Variants in SFTA2 observed in about 807,000 individuals in gnomAD.
The protein encoded by SFTA2 is surfactant-associated protein 2.
In SFTA2, 3 loss-of-function variants were observed where a neutral mutation model predicts 6.0. That is an observed-to-expected ratio of 0.50 (90% CI 0.23 to 1.28). The LOEUF (loss-of-function observed/expected upper bound fraction) is 1.28, where lower values mean the gene tolerates loss of function less well. Among genes scored for constraint, SFTA2 ranks in the 50% most tolerant of loss-of-function variants. The probability of loss-of-function intolerance (pLI) is 0.19; values close to 1 mark genes in which losing one functional copy is unlikely to be tolerated. For synonymous variants in SFTA2, 40 were observed against 39.3 expected, an observed-to-expected ratio of 1.02 and a Z score of -0.07; for missense variants, 87 against 88.5, an observed-to-expected ratio of 0.98 and a Z score of 0.07.
Position 30,932,160 on chromosome 6 carries a change from C to A in SFTA2, c.-64G>T. The A allele has an allele frequency of 1.3e-6, 2 of 1,514,168 alleles. No homozygotes were observed. Among genetic ancestry groups the A allele is most frequent in the Non-Finnish European group, 1.8e-6 (2 of 1,105,388 alleles). 93.8% of individuals were successfully genotyped at this position (1,514,168 alleles called of 1,614,324 possible). ...GTCCCGGTGGCCTCTCCTTAACAGG[C>A]CTGTTTCTACACCCCACTCAAGCCT... On this transcript the variant is annotated 5_prime_UTR_variant, in exon 1 of 3. Transcript: ENST00000359086. The surrounding 1 kb of genome is among the most constrained non-coding windows in gnomAD (Gnocchi z 6.5).
chr6:30,931,600 C>T (rs2253588), intron 2 of SFTA2, 26 bp from the exon 3 acceptor site: 1 of 1,606,440 alleles, frequency 6.2e-7, no homozygotes, highest in South Asian at 1.1e-5. Flanking sequence ...TAAAGGGCGC[C>T]ATGTAAGAGA....
chr6:30,931,886 G>A (rs991055482), intron 1 of SFTA2, 91 bp from the exon 2 acceptor site: 2 of 1,550,808 alleles, frequency 1.3e-6, no homozygotes. Context: ...CCCCGGCACA[G>A]TTCCTCTTCC....
In SFTA2 at chr6:30,931,558, TGGA is replaced by T. The variant is rs1766560505; in HGVS notation, c.164_166del (p.Leu55del). 4 of 1,609,734 alleles carry T rather than the reference TGGA, an allele frequency of 2.5e-6. No individual in the cohort carries two copies. The highest frequency in any genetic ancestry group is 2.7e-5 in the African/African-American group (2 of 74,816). ...GGTGACGCTGGTCCCTGAAGGGAGA[TGGA>T]GGAGGAGGCAGAGCTGGGAACAAAG... On this transcript the variant is annotated inframe_deletion, in exon 3 of 3. Coordinates refer to ENST00000359086, the MANE Select transcript of SFTA2 (RefSeq NM_205854.3).
At position 30,931,743 on chromosome 6, in the gene SFTA2, G is replaced by C; in HGVS notation, c.114C>G (p.Ser38=). 1.2e-6 allele frequency: 2 copies of C among 1,613,110 alleles called. No individual in the cohort carries two copies. The highest frequency in any genetic ancestry group is 1.7e-6 in the Non-Finnish European group (2 of 1,180,034). ...LKLKESFLTN[S]SYESSFLELL... ...ATTCCAGGAAGCTGGACTCATAGGA[G>C]GAATTTGTCAGAAAAGACTCCTTCA... Residue 38 remains serine (S), a synonymous_variant, in exon 2 of 3, where the codon TCC becomes TCG. Transcript: ENST00000359086.
chr6:30,931,386 G>A lies in SFTA2; in HGVS notation c.*102C>T, dbSNP rs2532925. On this transcript the variant is annotated 3_prime_UTR_variant, in exon 3 of 3. Transcript: ENST00000359086. ...AGCATACCGAATTTTATTTATTGCCGCTCAGGAGGGTGGGGGCCTGCTGAA... is the reference window on the plus strand; with the variant it reads ...AGCATACCGAATTTTATTTATTGCCACTCAGGAGGGTGGGGGCCTGCTGAA... 801,027 of 1,128,140 alleles carry A rather than the reference G, an allele frequency of 0.71. 289,329 individuals carry two copies. The highest frequency in any genetic ancestry group is 0.82 in the East Asian group (33,589 of 40,864). The allele number at this position is 1,128,140 out of a possible 1,614,324, so 69.9% of individuals were successfully genotyped here. A position where few individuals can be genotyped will look rare whatever the true frequency, so the allele number is the denominator to read the frequency against.
intron 2 of SFTA2, 36 bp from the exon 3 acceptor site, chr6:30,931,610 A>G: frequency 1.2e-6 from 2 of 1,607,004 alleles, no homozygotes; most frequent in Non-Finnish European, 1.7e-6. Context: ...CATGTAAGAG[A>G]GCTCTCCATT....
In SFTA2 at chr6:30,931,430, C is replaced by A. The variant is rs1400436890; in HGVS notation, c.*58G>T. On this transcript the variant is annotated 3_prime_UTR_variant, in exon 3 of 3. Transcript: ENST00000359086. ...TGCTGAAAGACAGGGTCGGGGCCTG[C>A]CTCCTGCATCCCCGGCCCAAAAGCC... is the stretch of plus-strand genomic sequence containing the variant. 5 of 1,487,284 alleles carry A rather than the reference C, an allele frequency of 3.4e-6. No homozygotes were observed. The South Asian group carries it at 6.8e-5, about 20-fold the overall frequency. The allele number at this position is 1,487,284 out of a possible 1,614,324, so 92.1% of individuals were successfully genotyped here. A position where few individuals can be genotyped will look rare whatever the true frequency, so the allele number is the denominator to read the frequency against.
chr6:30,931,868 C>T, intron 1 of SFTA2, 73 bp from the exon 2 acceptor site: 1 of 1,574,090 alleles, frequency 6.4e-7, no homozygotes, highest in Non-Finnish European at 8.7e-7. Context: ...AACCTTCCTG[C>T]TCACGCTCCC....
In SFTA2 at chr6:30,932,076, A is replaced by G; in HGVS notation, c.21T>C (p.Leu7=). MGSGLP[L]VLLLTLLGSS... ...TGCCAAGGAGGGTCAAGAGGAGGAC[A>G]AGGGGCAGCCCAGACCCCATAGTGG... Residue 7 remains leucine, a synonymous_variant, in exon 1 of 3, where the codon CTT becomes CTC. Coordinates refer to ENST00000359086, the MANE Select transcript of SFTA2 (RefSeq NM_205854.3). The surrounding 1 kb of genome is among the most constrained non-coding windows in gnomAD (Gnocchi z 6.5). 6.2e-7 allele frequency: 1 copy of G among 1,612,668 alleles called. No individual in the cohort carries two copies. The highest frequency in any genetic ancestry group is 8.5e-7 in the Non-Finnish European group (1 of 1,179,906).
chr6:30,931,648 C>T (rs548610051), intron 2 of SFTA2, 59 bp downstream of exon 2: 3 of 1,610,412 alleles, frequency 1.9e-6, no homozygotes, highest in East Asian at 2.2e-5. Context: ...CAGACCCCAG[C>T]AGAGGCCCAA....
At chr6:30,931,638 C>T in intron 2 of SFTA2, 64 bp from the exon 3 acceptor site, 1 of 1,609,262 alleles carries the variant, frequency 6.2e-7, no homozygotes, top group Non-Finnish European at 8.5e-7. Flanking sequence ...CGGAGACATC[C>T]AGACCCCAGC....
chr6:30,932,108 C>T lies in SFTA2; in HGVS notation c.-12G>A, dbSNP rs564832920. On this transcript the variant is annotated 5_prime_UTR_variant, in exon 1 of 3. Transcript: ENST00000359086. This position sits in a 1 kb window ranked among gnomAD's most constrained non-coding sequence, Gnocchi z 6.5. ...AGCCCAGACCCCATAGTGGCCACTG[C>T]GCTCCTGGGATGGAGGAGACACTGA... The T allele has an allele frequency of 2.4e-5, 38 of 1,611,374 alleles. No individual in the cohort carries two copies. The highest frequency in any genetic ancestry group is 5.5e-5 in the South Asian group (5 of 90,598).
intron 2 of SFTA2, 24 bp from the exon 3 acceptor site, chr6:30,931,598 G>T: frequency 6.2e-7 from 1 of 1,607,838 alleles, no homozygotes; most frequent in South Asian, 1.1e-5. Context: ...GTTAAAGGGC[G>T]CCATGTAAGA....
intron 2 of SFTA2, 61 bp from the exon 3 acceptor site, chr6:30,931,635 A>C: frequency 2.5e-6 from 4 of 1,609,610 alleles, no homozygotes; most frequent in Non-Finnish European, 3.4e-6. Context: ...CCACGGAGAC[A>C]TCCAGACCCC....
rs748806452 is a variant in SFTA2, at chr6:30,932,140, G to C, written c.-44C>G. On this transcript the variant is annotated 5_prime_UTR_variant, in exon 1 of 3. Transcript: ENST00000359086. The surrounding 1 kb of genome is among the most constrained non-coding windows in gnomAD (Gnocchi z 6.5). ...GGGATGGAGGAGACACTGAAGTCCC[G>C]GTGGCCTCTCCTTAACAGGCCTGTT... The C allele has an allele frequency of 1.3e-6, 2 of 1,594,544 alleles. No homozygotes were observed. The highest frequency in any genetic ancestry group is 2.3e-5 in the East Asian group (1 of 44,366).
intron 2 of SFTA2, 24 bp from the exon 3 acceptor site, chr6:30,931,598 G>A (rs372246965): frequency 4.2e-5 from 68 of 1,607,722 alleles, no homozygotes; most frequent in African/African-American, 1.5e-4. Context: ...GTTAAAGGGC[G>A]CCATGTAAGA....
Position 30,931,476 on chromosome 6 carries a change from C to A in SFTA2, c.*12G>T, listed in dbSNP as rs747529500. 1 of 1,559,158 alleles carries A rather than the reference C, an allele frequency of 6.4e-7. No homozygotes were observed. Among genetic ancestry groups the A allele is most frequent in the Non-Finnish European group, 8.7e-7 (1 of 1,150,288 alleles). ...AAGCCCGGGCCAAGAAGGACACAGG[C>A]TTCAATGGCTGTCATGTGTTGCAGA... is the stretch of plus-strand genomic sequence containing the variant. On this transcript the variant is annotated 3_prime_UTR_variant, in exon 3 of 3. Transcript: ENST00000359086.
In SFTA2 at chr6:30,931,794, C is replaced by G. The variant is rs2286656; in HGVS notation, c.63G>C (p.Gly21=). Residue 21 remains glycine, a splice_region_variant and synonymous_variant, in exon 2 of 3, where the codon GGG becomes GGC. Transcript: ENST00000359086. ...GCTTCAGTTGCAAAGTCATACCCGG[C>G]CCTGCGGATCCAGAAGTACAGCTTA... ...LTLLGSSHGT[G]PGMTLQLKLK... is the part of the protein sequence containing the mutation. 3.7e-6 allele frequency: 6 copies of G among 1,612,786 alleles called. No homozygotes were observed. The highest frequency in any genetic ancestry group is 5.1e-6 in the Non-Finnish European group (6 of 1,179,974).
chr6:30,931,509 G>A lies in SFTA2; in HGVS notation c.216C>T (p.His72=). The change falls in exon 3 of 3, where the codon CAC becomes CAT. Residue 72 remains histidine, a synonymous_variant. Transcript: ENST00000359086. The stretch of plus-strand genomic sequence containing the variant: ...GCTGTCATGTGTTGCAGACAACATG[G>A]TGTTGAGATCTTGCATGGTGGAGGG... ...SVTLHHARSQ[H]HVVCNT is the part of the protein sequence containing the mutation. 2 of 1,603,066 alleles carry A rather than the reference G, an allele frequency of 1.2e-6. No homozygotes were observed. Among genetic ancestry groups the A allele is most frequent in the Non-Finnish European group, 1.7e-6 (2 of 1,174,794 alleles).
Sources: gnomAD v4.1 joint callset for allele counts on GRCh38, gnomAD v4.1.1 for gene constraint, Gnocchi (gnomAD v3.1) non-coding constraint, MANE v1.5 for transcripts, NCBI Gene and HGNC (gene_info 2026-07-23, HGNC 2026-07-21) for gene names.